LUZP1: variants seen among roughly 807,000 people sequenced by gnomAD.
LUZP1 encodes the protein leucine zipper protein 1.
LUZP1 carries 25 observed loss-of-function variants against 71.3 expected under a neutral mutation model. The observed-to-expected ratio is 0.35, with a 90% CI of 0.26 to 0.49. The LOEUF (loss-of-function observed/expected upper bound fraction) is 0.49. Ranked by LOEUF, LUZP1 falls within the 20% of genes least tolerant of loss-of-function variation. The probability of loss-of-function intolerance (pLI) is 0.99; values close to 1 mark genes in which losing one functional copy is unlikely to be tolerated. For synonymous variants in LUZP1, 481 were observed against 506.4 expected (o/e 0.95, Z 0.67); for missense variants, 1,142 against 1,300.8 (o/e 0.88, Z 1.88).
intron 1 of LUZP1, among the ~76,000 whole-genome samples, chr1:23,175,460 C>G (rs995031514): frequency 6.6e-6 from 1 of 152,144 alleles, no homozygotes; most frequent in Non-Finnish European, 1.5e-5. Context: ...GGTGCTTTCC[C>G]CCCTAGTGTT....
chr1:23,088,835 C>A, exon 5 of LUZP1: 1 of 1,582,040 alleles, frequency 6.3e-7, no homozygotes, highest in South Asian at 1.2e-5. Context: ...CTTCGTGGGG[C>A]AGGACGGTGG....
At chr1:23,095,175 AG>A in intron 3 of LUZP1, among the ~76,000 whole-genome samples, 1 of 152,338 alleles carries the variant, frequency 6.6e-6, no homozygotes, top group East Asian at 1.9e-4. Context: ...AAGGAAATAG[AG>A]AAAGGGGAAG....
intron 2 of LUZP1, among the ~76,000 whole-genome samples, chr1:23,128,773 G>C (rs949063449): frequency 2.0e-5 from 3 of 152,140 alleles, no homozygotes; most frequent in African/African-American, 7.2e-5. Flanking sequence ...GCCTCATTGT[G>C]GGGGAGGGAC....
chr1:23,083,777 A>G (rs1488893936), downstream of LUZP1: 1 of 155,254 alleles, frequency 6.4e-6, no homozygotes, highest in African/African-American at 2.4e-5. Context: ...CTATGGCAAT[A>G]GTAATACATG....
chr1:23,136,216 AACAG>A (rs1356653109), intron 2 of LUZP1, among the ~76,000 whole-genome samples: 6 of 151,690 alleles, frequency 4.0e-5, no homozygotes, highest in Non-Finnish European at 5.9e-5. Context: ...ATTTTAAAGA[AACAG>A]ACAGGGCCAG....
chr1:23,134,966 C>A (rs1180487286), intron 2 of LUZP1, among the ~76,000 whole-genome samples: 2 of 152,162 alleles, frequency 1.3e-5, no homozygotes, highest in Non-Finnish European at 2.9e-5. Flanking sequence ...AGCTATTCTT[C>A]CTCATGCTCT....
chr1:23,110,635 T>TGCACACACATACACACACAC (rs1644021223), intron 2 of LUZP1, among the ~76,000 whole-genome samples: 1 of 41,848 alleles, frequency 2.4e-5, no homozygotes, highest in Admixed American at 1.3e-4. Flanking sequence ...CGCGCACACA[T>TGCACACACATACACACACAC]ACACACACAC....
chr1:23,086,956 C>T (rs1054090723), exon 5 of LUZP1: 1 of 152,358 alleles, frequency 6.6e-6, no homozygotes, highest in African/African-American at 2.4e-5. Flanking sequence ...AAATCTGATA[C>T]AGACAAGGTC....
rs542851706 is a variant in LUZP1 at position 23,161,681 on chromosome 1, C to T, written c.-226+7085G>A. ...TGGCATAAAATGCCAATTGCCTACC[C>T]GAAAAGTAGCCAGGAGACGGGCTAT... On this transcript the variant is annotated intron_variant, in intron 2 of 4. Transcript: ENST00000302291. 1.9e-4 allele frequency among the ~76,000 whole-genome samples: 29 copies of T among 152,128 alleles called. No individual in the cohort carries two copies. In the East Asian group the frequency reaches 2.7e-3, roughly 14 times the overall value.
rs1204837502 is a variant in LUZP1 at position 23,093,245 on chromosome 1, T to C, written c.1017A>G (p.Gln339=). The C allele has an allele frequency of 2.5e-6, 4 of 1,613,728 alleles. No homozygotes were observed. The highest frequency in any genetic ancestry group is 3.4e-6 in the Non-Finnish European group (4 of 1,179,960). The change falls in exon 4 of 5, where the codon CAA becomes CAG. Residue 339 remains glutamine (Q), a synonymous_variant. Coordinates refer to ENST00000302291, the Ensembl canonical transcript of LUZP1. The surrounding 1 kb of genome is among the most constrained non-coding windows in gnomAD (Gnocchi z 4.2). ...TGATTTGTAGCTTTATCTCCTCCAG[T>C]TGGCTGGCTAATAATTTGTTTTTAT...
chr1:23,136,679 C>A (rs1448051411), intron 2 of LUZP1, among the ~76,000 whole-genome samples: 1 of 152,090 alleles, frequency 6.6e-6, no homozygotes, highest in East Asian at 1.9e-4. Context: ...GAGGCCGAGG[C>A]GGGTGGATCA....
At chr1:23,115,644 G>A (rs540501216) in intron 2 of LUZP1, among the ~76,000 whole-genome samples, 2 of 152,054 alleles carry the variant, frequency 1.3e-5, no homozygotes, top group African/African-American at 2.4e-5. Context: ...GGGTTCAAGC[G>A]ATTCTCCTGT....
At chr1:23,084,191 C>CTCT (rs1379126713) in exon 5 of LUZP1, 2 of 152,130 alleles carry the variant, frequency 1.3e-5, no homozygotes, top group Non-Finnish European at 2.9e-5. Context: ...AACTTAGTGG[C>CTCT]TCTTAAAAAA....
exon 5 of LUZP1, chr1:23,087,980 GGGGTCTGCTTTCCCTCTTGCTGGGCACTT>G: frequency 6.6e-6 from 1 of 152,614 alleles, no homozygotes; most frequent in Non-Finnish European, 1.5e-5. Flanking sequence ...AGTGACTAAA[GGGGTCTGCTTTCCCTCTTGCTGGGCACTT>G]CCTAGAAGGC....
intron 1 of LUZP1, among the ~76,000 whole-genome samples, chr1:23,170,282 T>C (rs1027309885): frequency 6.6e-6 from 1 of 152,140 alleles, no homozygotes; most frequent in Non-Finnish European, 1.5e-5. Context: ...TGGGATCATA[T>C]GTTCTGGGGT....
chr1:23,175,081 AG>A (rs1644574868), intron 1 of LUZP1, among the ~76,000 whole-genome samples: 1 of 152,124 alleles, frequency 6.6e-6, no homozygotes, highest in Admixed American at 6.6e-5. Flanking sequence ...TATCTCTTAA[AG>A]GTTATAGGGG....
At chr1:23,089,215 G>A (rs1643816286) in intron 4 of LUZP1, among the ~76,000 whole-genome samples, 162 bp from the exon 4 acceptor site, 1 of 152,138 alleles carries the variant, frequency 6.6e-6, no homozygotes, top group African/African-American at 2.4e-5. Context: ...CCTGAGTATG[G>A]GCCAATATGT....
chr1:23,136,608 G>T (rs561040413), intron 2 of LUZP1, among the ~76,000 whole-genome samples: 1 of 151,446 alleles, frequency 6.6e-6, no homozygotes, highest in Non-Finnish European at 1.5e-5. Context: ...GACAATGACA[G>T]GACTAAAACC....
intron 2 of LUZP1, among the ~76,000 whole-genome samples, chr1:23,161,693 AG>A (rs1231745851): frequency 6.6e-6 from 1 of 152,224 alleles, no homozygotes; most frequent in East Asian, 1.9e-4. Context: ...AAAAGTAGCC[AG>A]GAGACGGGCT....
Sources: allele counts gnomAD v4.1 joint callset (sites outside exome capture counted in the v4.1 genomes callset), GRCh38; gene constraint gnomAD v4.1.1; non-coding constraint Gnocchi (gnomAD v3.1); transcripts MANE v1.5; gene names NCBI Gene and HGNC (gene_info 2026-07-23, HGNC 2026-07-21).